The following NCKAP5 variants were observed in gnomAD, a reference collection of about 807,000 sequenced individuals.
NCKAP5 encodes the protein NCK associated protein 5.
NCKAP5 carries 92 observed loss-of-function variants against 167.0 expected under a neutral mutation model. The ratio of observed to expected loss-of-function variants is 0.55; its 90% CI spans 0.47 to 0.66. NCKAP5 has a LOEUF of 0.66. NCKAP5 is among the 30% of genes least tolerant of loss of function. NCKAP5 has a pLI of 0.00. For synonymous variants in NCKAP5, 891 were observed against 877.4 expected, an observed-to-expected ratio of 1.02 and a Z score of -0.27; for missense variants, 2,378 against 2,315.0, an observed-to-expected ratio of 1.03 and a Z score of -0.56.
intron 6 of NCKAP5, among the ~76,000 whole-genome samples, chr2:133,097,348 G>T (rs1032706380): frequency 2.0e-5 from 3 of 152,122 alleles, no homozygotes; most frequent in Non-Finnish European, 4.4e-5. Flanking sequence ...AAGCTTTACA[G>T]GTATCCTGAG....
At chr2:133,534,819 T>C (rs183858043) in intron 2 of NCKAP5, among the ~76,000 whole-genome samples, 207 of 152,334 alleles carry the variant, frequency 1.4e-3, no homozygotes, top group African/African-American at 4.9e-3. Context: ...TGGACATATG[T>C]TTTCTTTACT....
intron 2 of NCKAP5, among the ~76,000 whole-genome samples, chr2:133,538,956 T>C: frequency 8.1e-6 from 1 of 123,468 alleles, no homozygotes; most frequent in Non-Finnish European, 1.8e-5. Flanking sequence ...TTTTTTTTTT[T>C]TTGAGACGGA....
At chr2:133,216,742 T>C (rs1415674136) in intron 4 of NCKAP5, among the ~76,000 whole-genome samples, 1 of 152,062 alleles carries the variant, frequency 6.6e-6, no homozygotes, top group Non-Finnish European at 1.5e-5. Flanking sequence ...AAAAGTGATA[T>C]AGAAACAGAA....
intron 16 of NCKAP5, among the ~76,000 whole-genome samples, chr2:132,770,629 A>G (rs1004527821): frequency 1.3e-5 from 2 of 152,100 alleles, no homozygotes; most frequent in Non-Finnish European, 2.9e-5. Flanking sequence ...ACATGGTTCA[A>G]ATGTACTTCC....
chr2:132,689,761 T>C (rs988609591), intron 19 of NCKAP5, among the ~76,000 whole-genome samples: 2 of 152,066 alleles, frequency 1.3e-5, no homozygotes, highest in Non-Finnish European at 2.9e-5. Context: ...ATGAAAGCTA[T>C]CTTGCATCCT....
chr2:132,882,835 C>T (rs988085605), intron 8 of NCKAP5, among the ~76,000 whole-genome samples: 21 of 152,058 alleles, frequency 1.4e-4, no homozygotes, highest in African/African-American at 4.6e-4. Flanking sequence ...TTCTACCTCT[C>T]GAAGATTCTT....
intron 9 of NCKAP5, among the ~76,000 whole-genome samples, chr2:132,874,245 C>A (rs1190014318): frequency 3.3e-5 from 5 of 151,592 alleles, no homozygotes; most frequent in African/African-American, 1.2e-4. Context: ...AGTAGCTAGG[C>A]CTACAGGCTC....
intron 3 of NCKAP5, among the ~76,000 whole-genome samples, chr2:133,386,821 T>G (rs188522437): frequency 7.9e-5 from 12 of 152,338 alleles, no homozygotes; most frequent in African/African-American, 2.4e-4. Flanking sequence ...TTGTCTCTTT[T>G]GATCTTTGTT....
At chr2:133,220,912 C>T (rs1006917477) in intron 4 of NCKAP5, among the ~76,000 whole-genome samples, 1 of 152,196 alleles carries the variant, frequency 6.6e-6, no homozygotes, top group Non-Finnish European at 1.5e-5. Context: ...GTGCCCCACT[C>T]TCCACCAGGC....
chr2:132,930,186 A>T (rs1225870890), intron 8 of NCKAP5: 1 of 152,228 alleles, frequency 6.6e-6, no homozygotes, highest in African/African-American at 2.4e-5. Flanking sequence ...ACCCTGTTGC[A>T]GTACATGGTT....
At chr2:132,673,439 T>C in intron 19 of NCKAP5, 134 bp from the exon 20 acceptor site, 2 of 663,412 alleles carry the variant, frequency 3.0e-6, no homozygotes, top group Non-Finnish European at 4.4e-6. Context: ...TTAATAATCT[T>C]CTAGTATAAT....
At chr2:132,904,449 CAT>C (rs1693863521) in intron 8 of NCKAP5, among the ~76,000 whole-genome samples, 1 of 151,996 alleles carries the variant, frequency 6.6e-6, no homozygotes, top group African/African-American at 2.4e-5. Context: ...AACCATTTCT[CAT>C]GTTTGCTGCA....
rs370357931 is a variant in NCKAP5 at position 132,926,309 on chromosome 2, T to C, written c.579+37411A>G. On this transcript the variant is annotated intron_variant, in intron 8 of 19. Coordinates refer to ENST00000409261, the MANE Select transcript of NCKAP5 (RefSeq NM_207363.3). ...CTCATCCACTGATGGACACTTAGGG[T>C]TGTGAATAGTGCTGATATAAACATA... 4.5e-5 allele frequency: 9 copies of C among 202,076 alleles called. No homozygotes were observed. In the East Asian group the frequency reaches 8.5e-4, roughly 19 times the overall value. The allele number at this position is 202,076 out of a possible 1,614,324, so 12.5% of individuals were successfully genotyped here. A position where few individuals can be genotyped will look rare whatever the true frequency, so the allele number is the denominator to read the frequency against.
At chr2:132,889,110 C>A (rs1447358508) in intron 8 of NCKAP5, among the ~76,000 whole-genome samples, 1 of 152,082 alleles carries the variant, frequency 6.6e-6, no homozygotes, top group Non-Finnish European at 1.5e-5. Context: ...GGATGAGATG[C>A]CTTGCAGAGA....
At chr2:132,920,001 G>C (rs1284064738) in intron 8 of NCKAP5, among the ~76,000 whole-genome samples, 1 of 152,166 alleles carries the variant, frequency 6.6e-6, no homozygotes, top group Non-Finnish European at 1.5e-5. Flanking sequence ...AATGTGCATT[G>C]CTGGAGCCAA....
the NCKAP5 span, among the ~76,000 whole-genome samples, chr2:133,671,070 C>T: frequency 6.6e-6 from 1 of 151,948 alleles, no homozygotes; most frequent in African/African-American, 2.4e-5. Context: ...AAAAAATTAG[C>T]TGGGCGTGGT....
intron 4 of NCKAP5, among the ~76,000 whole-genome samples, chr2:133,293,426 G>A (rs926931700): frequency 3.9e-5 from 6 of 152,094 alleles, no homozygotes; most frequent in African/African-American, 4.8e-5. Context: ...AATGAAGATC[G>A]ATCCCAAGGT....
chr2:132,749,173 A>T (rs1020244291), intron 16 of NCKAP5, among the ~76,000 whole-genome samples: 7 of 152,070 alleles, frequency 4.6e-5, no homozygotes, highest in African/African-American at 1.7e-4. Context: ...TTGGTGTGAT[A>T]TAGTTTTTTC....
intron 3 of NCKAP5, among the ~76,000 whole-genome samples, chr2:133,426,372 A>G (rs1281338743): frequency 1.4e-5 from 2 of 147,802 alleles, no homozygotes; most frequent in African/African-American, 5.0e-5. Context: ...TATAGCCTTA[A>G]ATGCTTTTAT....
Sources: gnomAD v4.1 joint callset for allele counts (sites outside exome capture counted in the v4.1 genomes callset) on GRCh38, gnomAD v4.1.1 for gene constraint, MANE v1.5 for transcripts, NCBI Gene and HGNC (gene_info 2026-07-23, HGNC 2026-07-21) for gene names.